Variants in EML5 observed in about 807,000 individuals in gnomAD.
The protein encoded by EML5 is EMAP like 5.
Under a neutral mutation model 250.0 loss-of-function variants are expected in EML5, and 120 were observed. That is an observed-to-expected ratio of 0.48 (90% confidence interval 0.41 to 0.56). The LOEUF is 0.56. EML5 is among the 20% of genes least tolerant of loss of function. EML5 has a pLI of 0.00. For synonymous variants in EML5, 771 were observed against 806.5 expected, an observed-to-expected ratio of 0.96 and a Z score of 0.75; for missense variants, 2,006 against 2,437.6, an observed-to-expected ratio of 0.82 and a Z score of 3.73.
intron 1 of EML5, among the ~76,000 whole-genome samples, chr14:88,790,353 G>A (rs1032147688): frequency 6.6e-6 from 1 of 152,132 alleles, no homozygotes; most frequent in Non-Finnish European, 1.5e-5. Context: ...TGAGAAATTC[G>A]AGTATGTTTG....
chr14:88,723,545 G>C (rs1434981506), intron 8 of EML5, among the ~76,000 whole-genome samples: 2 of 152,136 alleles, frequency 1.3e-5, no homozygotes, highest in East Asian at 3.9e-4. Flanking sequence ...ACAGTGATTA[G>C]AGTTAATAAT....
chr14:88,660,459 T>C (rs1448530903), intron 25 of EML5, among the ~76,000 whole-genome samples: 1 of 151,974 alleles, frequency 6.6e-6, no homozygotes, highest in Non-Finnish European at 1.5e-5. Flanking sequence ...AAAGAATCTG[T>C]TGGCGAGGCC....
intron 1 of EML5, among the ~76,000 whole-genome samples, chr14:88,784,469 T>A (rs530024835): frequency 1.3e-5 from 2 of 151,772 alleles, no homozygotes; most frequent in East Asian, 3.9e-4. Flanking sequence ...CAACTGATAC[T>A]GCAGAAATTC....
intron 21 of EML5, among the ~76,000 whole-genome samples, chr14:88,679,184 C>T (rs1243599688): frequency 6.9e-6 from 1 of 145,244 alleles, no homozygotes; most frequent in Non-Finnish European, 1.5e-5. Flanking sequence ...TTGTCTTAAA[C>T]TGATTATATC....
intron 25 of EML5, 34 bp from the exon 26 acceptor site, chr14:88,658,422 A>C (rs1221332606): frequency 6.7e-7 from 1 of 1,486,770 alleles, no homozygotes; most frequent in African/African-American, 1.4e-5. Context: ...AATCTTTCTG[A>C]GAAATTTCAT....
At chr14:88,690,868 T>G (rs1475050572) in intron 17 of EML5, among the ~76,000 whole-genome samples, 1 of 152,142 alleles carries the variant, frequency 6.6e-6, no homozygotes, top group African/African-American at 2.4e-5. Context: ...CAAACTATCT[T>G]CTAGAGCAGG....
Position 88,657,443 on chromosome 14 carries a change from T to C in EML5, c.3937A>G (p.Thr1313Ala), listed in dbSNP as rs1216774071. Reference sequence around the variant, plus strand: ...ATTCCTAACATTGGGCGAATATTTGTTGATAAGGCTCTGATGGTGTAACTG... The same window carrying C: ...ATTCCTAACATTGGGCGAATATTTGCTGATAAGGCTCTGATGGTGTAACTG... ...EISYTIRALS[T>A]NIRPMLGIKP... The change falls in exon 27 of 44, where the codon ACA (threonine) becomes GCA (alanine). Residue 1313 changes from threonine to alanine, a missense_variant. By Grantham distance (58) the Thr-to-Ala change is moderately conservative. Around this residue, in one of 7 missense-constraint regions of EML5, gnomAD observed 1,375 missense variants for 1,590.3 expected, o/e 0.86. Transcript: ENST00000554922. 1 of 1,604,770 alleles carries C rather than the reference T, an allele frequency of 6.2e-7. No individual in the cohort carries two copies.
chr14:88,712,148 C>T, intron 10 of EML5, 123 bp downstream of exon 10: 1 of 661,412 alleles, frequency 1.5e-6, no homozygotes, highest in Non-Finnish European at 2.6e-6. Context: ...AAAAATGAAA[C>T]CCTTCACCAA....
At chr14:88,623,080 A>AT (rs2089320554) in intron 36 of EML5, 1 of 151,680 alleles carries the variant, frequency 6.6e-6, no homozygotes, top group Non-Finnish European at 1.4e-5. Flanking sequence ...CAGTGGCATG[A>AT]TCTAGGCTTA....
Position 88,620,478 on chromosome 14 carries a change from G to T in EML5, c.5375+276C>A. On this transcript the variant is annotated intron_variant, in intron 39 of 43. Transcript: ENST00000554922. The surrounding 1 kb of genome is among the most constrained non-coding windows in gnomAD (Gnocchi z 4.3). ...TGTATTACAGTGGGAGATACCTCTT[G>T]GTGGGATGAACTTAATGGACATGGC... The T allele has an allele frequency of 3.6e-6, 1 of 278,738 alleles. No homozygotes were observed. The highest frequency in any genetic ancestry group is 6.6e-6 in the Non-Finnish European group (1 of 151,294). The allele number at this position is 278,738 out of a possible 1,614,324, so 17.3% of individuals were successfully genotyped here. A position where few individuals can be genotyped will look rare whatever the true frequency, so the allele number is the denominator to read the frequency against.
In EML5 at chr14:88,743,293, A is replaced by G. The variant is rs540408872; in HGVS notation, c.525+730T>C. Among the ~76,000 whole-genome samples, 5 of 152,252 alleles carry G rather than the reference A, an allele frequency of 3.3e-5. No individual in the cohort carries two copies. The South Asian group carries it at 1.0e-3, about 32-fold the overall frequency. ...TTGAATGGTCCTAAAACAAAGAAAT[A>G]GCAAATGTTTGGGATGATAGCTAAT... On this transcript the variant is annotated intron_variant, in intron 4 of 43. Transcript: ENST00000554922.
At chr14:88,736,251 G>A (rs1033820456) in intron 7 of EML5, 113 bp downstream of exon 7, 6 of 1,166,140 alleles carry the variant, frequency 5.1e-6, no homozygotes, top group Non-Finnish European at 7.4e-6. Context: ...TGCCCGCCTT[G>A]GCCTCCCAAA....
chr14:88,756,090 CG>C (rs2094155354), intron 1 of EML5, among the ~76,000 whole-genome samples: 1 of 152,002 alleles, frequency 6.6e-6, no homozygotes, highest in Non-Finnish European at 1.5e-5. Context: ...TAAGATGACT[CG>C]GGTTTCTGGC....
At chr14:88,637,634 G>A (rs1170074750) in intron 32 of EML5, among the ~76,000 whole-genome samples, 1 of 152,064 alleles carries the variant, frequency 6.6e-6, no homozygotes, top group African/African-American at 2.4e-5. Context: ...CCTCGCACAT[G>A]GCAGGTGTTC....
chr14:88,698,278 T>C (rs1317137400), intron 14 of EML5, among the ~76,000 whole-genome samples: 1 of 150,034 alleles, frequency 6.7e-6, no homozygotes, highest in Non-Finnish European at 1.5e-5. Context: ...TTTTTTTTTT[T>C]TTTTTGAGAC....
At chr14:88,702,720 G>T in intron 13 of EML5, 88 bp from the exon 14 acceptor site, 1 of 922,152 alleles carries the variant, frequency 1.1e-6, no homozygotes. Flanking sequence ...GGTACCCTTT[G>T]GGTGAATCAT....
intron 1 of EML5, among the ~76,000 whole-genome samples, chr14:88,783,257 A>G (rs2094516309): frequency 6.6e-6 from 1 of 152,224 alleles, no homozygotes; most frequent in African/African-American, 2.4e-5. Context: ...ACACAGCTTC[A>G]CTAGGGCACT....
rs146750036 is a variant in EML5 at position 88,649,139 on chromosome 14, C to T, written c.4019+773G>A. Among the ~76,000 whole-genome samples, 16 of 152,214 alleles carry T rather than the reference C, an allele frequency of 1.1e-4. No homozygotes were observed. The East Asian group carries it at 1.6e-3, about 15-fold the overall frequency. ...CAAACTCCCAGGCTCAAGAGACCCT[C>T]TCACCTCAGCCTCCTGAGTAGCTGG... On this transcript the variant is annotated intron_variant, in intron 28 of 43. Transcript: ENST00000554922.
At chr14:88,625,243 T>C (rs1009821936) in intron 35 of EML5, 116 bp from the exon 36 acceptor site, 35 of 1,213,604 alleles carry the variant, frequency 2.9e-5, no homozygotes, top group African/African-American at 4.6e-5. Flanking sequence ...AGAGCATGCA[T>C]CGTGTAGTGG....
Sources: allele counts gnomAD v4.1 joint callset (sites outside exome capture counted in the v4.1 genomes callset), GRCh38; gene constraint gnomAD v4.1.1; regional missense constraint gnomAD v4.1.1; non-coding constraint Gnocchi (gnomAD v3.1); transcripts MANE v1.5; gene names NCBI Gene and HGNC (gene_info 2026-07-23, HGNC 2026-07-21).